Variants in CEP128 observed in about 807,000 individuals in gnomAD.
The protein encoded by CEP128 is centrosomal protein 128kDa.
A neutral mutation model predicts 156.7 loss-of-function variants in CEP128; 132 were observed. The ratio of observed to expected loss-of-function variants is 0.84; its 90% confidence interval spans 0.73 to 0.97. CEP128 has a LOEUF of 0.97. Among genes scored for constraint, CEP128 ranks in the 50% least tolerant of loss-of-function variants. CEP128 has a pLI of 0.00. For synonymous variants in CEP128, 469 were observed against 448.9 expected (o/e 1.04, Z -0.57); for missense variants, 1,252 against 1,281.9 (o/e 0.98, Z 0.36).
intron 8 of CEP128, among the ~76,000 whole-genome samples, chr14:80,882,235 T>A (rs1187615722): frequency 1.3e-5 from 2 of 151,250 alleles, no homozygotes; most frequent in Non-Finnish European, 3.0e-5. Flanking sequence ...GAAAAAAAAA[T>A]CTCATAATCC....
intron 19 of CEP128, among the ~76,000 whole-genome samples, chr14:80,672,700 C>A (rs894501268): frequency 4.9e-4 from 74 of 152,242 alleles, no homozygotes; most frequent in African/African-American, 1.7e-3. Flanking sequence ...TTGAAAATTT[C>A]TTTGACTTCT....
At chr14:80,560,633 C>A (rs1890629454) in intron 20 of CEP128, among the ~76,000 whole-genome samples, 1 of 152,028 alleles carries the variant, frequency 6.6e-6, no homozygotes, top group South Asian at 2.1e-4. Flanking sequence ...CTGAGGAAGG[C>A]AGACCCACCG....
intron 20 of CEP128, among the ~76,000 whole-genome samples, chr14:80,577,272 T>C (rs952098961): frequency 1.3e-4 from 20 of 152,170 alleles, no homozygotes; most frequent in African/African-American, 4.6e-4. Flanking sequence ...ATCATTCTTA[T>C]GATATGGACA....
At chr14:80,892,544 T>C (rs966614113) in intron 8 of CEP128, among the ~76,000 whole-genome samples, 4 of 151,796 alleles carry the variant, frequency 2.6e-5, no homozygotes, top group African/African-American at 9.7e-5. Flanking sequence ...CAAAAATAAA[T>C]AAATGGCACT....
In CEP128 at chr14:80,916,390, G is replaced by A; in HGVS notation, c.147+11C>T. 6.2e-7 allele frequency: 1 copy of A among 1,606,336 alleles called. No individual in the cohort carries two copies. The stretch of plus-strand genomic sequence containing the variant: ...TTAAATTCTATTAAATGCAACCATT[G>A]TTAAACTAACCTGTAAAGTACTTGT... On this transcript the variant is annotated intron_variant, in intron 3 of 24. Transcript: ENST00000555265.
At chr14:80,748,914 T>C (rs1202050732) in intron 18 of CEP128, among the ~76,000 whole-genome samples, 2 of 152,078 alleles carry the variant, frequency 1.3e-5, no homozygotes, top group Non-Finnish European at 2.9e-5. Context: ...GAAAAAAACA[T>C]GTTGCCCAGA....
intron 19 of CEP128, among the ~76,000 whole-genome samples, chr14:80,628,831 CAT>C (rs33953320): frequency 2.7e-5 from 4 of 147,868 alleles, no homozygotes; most frequent in Admixed American, 1.3e-4. Context: ...CTATAGCTCA[CAT>C]ATATATATGT....
chr14:80,900,108 G>A, intron 6 of CEP128, 79 bp from the exon 7 acceptor site: 1 of 872,898 alleles, frequency 1.1e-6, no homozygotes, highest in South Asian at 1.7e-5. Context: ...GTAAGAATAA[G>A]ATCTTGTTCC....
chr14:80,845,006 A>G (rs1371143758), intron 9 of CEP128, among the ~76,000 whole-genome samples: 3 of 152,150 alleles, frequency 2.0e-5, no homozygotes, highest in African/African-American at 7.2e-5. Flanking sequence ...TTTCGTGGAC[A>G]CAATCTTTAC....
At chr14:80,567,217 T>C (rs1280669635) in intron 20 of CEP128, among the ~76,000 whole-genome samples, 2 of 152,212 alleles carry the variant, frequency 1.3e-5, no homozygotes, top group Non-Finnish European at 2.9e-5. Flanking sequence ...TTTGTGGTTT[T>C]ATTATGAGGA....
At chr14:80,956,053 C>T in intron 2 of CEP128, 2 of 650,796 alleles carry the variant, frequency 3.1e-6, no homozygotes, top group Non-Finnish European at 5.5e-6. Context: ...TTGTTGACAT[C>T]CTCATTCCCA....
intron 2 of CEP128, among the ~76,000 whole-genome samples, chr14:80,929,332 T>TA (rs1367993582): frequency 6.6e-6 from 1 of 152,194 alleles, no homozygotes; most frequent in Non-Finnish European, 1.5e-5. Context: ...GAACTAAAAG[T>TA]AGATCTATCA....
At chr14:80,525,861 C>T (rs1054039281) in intron 23 of CEP128, among the ~76,000 whole-genome samples, 2 of 152,104 alleles carry the variant, frequency 1.3e-5, no homozygotes, top group Admixed American at 6.6e-5. Flanking sequence ...GCATTCTATC[C>T]AATTACATTC....
intron 15 of CEP128, 25 bp downstream of exon 15, chr14:80,784,870 C>A: frequency 6.4e-7 from 1 of 1,561,242 alleles, no homozygotes. Flanking sequence ...CCTTCAGTAT[C>A]ATCAGGATAA....
At chr14:80,931,034 G>T (rs912962450) in intron 2 of CEP128, among the ~76,000 whole-genome samples, 18 of 152,186 alleles carry the variant, frequency 1.2e-4, no homozygotes, top group Non-Finnish European at 2.5e-4. Context: ...AGTCATCGTG[G>T]TATGCAATCC....
chr14:80,784,262 T>C (rs1248447021), intron 15 of CEP128, among the ~76,000 whole-genome samples: 1 of 139,154 alleles, frequency 7.2e-6, no homozygotes, highest in Non-Finnish European at 1.6e-5. Context: ...ATGGAATCTA[T>C]ATCATATGAC....
At chr14:80,723,945 A>G (rs564322919) in intron 19 of CEP128, among the ~76,000 whole-genome samples, 2 of 152,306 alleles carry the variant, frequency 1.3e-5, no homozygotes, top group East Asian at 1.9e-4. Flanking sequence ...ACAGAACACA[A>G]TCATCCATCA....
intron 8 of CEP128, among the ~76,000 whole-genome samples, chr14:80,892,777 C>T (rs1341348732): frequency 6.6e-6 from 1 of 151,864 alleles, no homozygotes. Context: ...ACAAAAATCA[C>T]CAACAGCTAT....
intron 19 of CEP128, among the ~76,000 whole-genome samples, chr14:80,730,968 A>G (rs1222907809): frequency 6.6e-6 from 1 of 152,200 alleles, no homozygotes; most frequent in Non-Finnish European, 1.5e-5. Flanking sequence ...TTTTAGAAAT[A>G]TTACAGCTAT....
Sources: allele counts gnomAD v4.1 joint callset (sites outside exome capture counted in the v4.1 genomes callset), GRCh38; gene constraint gnomAD v4.1.1; transcripts MANE v1.5; gene names NCBI Gene and HGNC (gene_info 2026-07-23, HGNC 2026-07-21).